GTF2IRD1: variants seen among roughly 807,000 people sequenced by gnomAD.
The protein encoded by GTF2IRD1 is general transcription factor II-I repeat domain-containing protein 1.
GTF2IRD1 carries 26 observed loss-of-function variants against 113.2 expected under a neutral mutation model. The observed-to-expected ratio is 0.23, with a 90% CI of 0.17 to 0.32. The LOEUF (loss-of-function observed/expected upper bound fraction) is 0.32, where lower values mean the gene tolerates loss of function less well. GTF2IRD1 is among the 10% of genes least tolerant of loss of function. The pLI, the probability that GTF2IRD1 is intolerant of heterozygous loss-of-function variation, is 1.00. For synonymous variants in GTF2IRD1, 484 were observed against 529.1 expected (o/e 0.91, Z 1.17); for missense variants, 864 against 1,280.8 (o/e 0.67, Z 4.97).
chr7:74,560,374 TG>T (rs1406194853), intron 22 of GTF2IRD1, among the ~76,000 whole-genome samples: 10 of 151,734 alleles, frequency 6.6e-5, no homozygotes, highest in Non-Finnish European at 1.3e-4. Context: ...ACAAGCATGT[TG>T]GTAAGATGTG....
chr7:74,557,332 G>A (rs1419615907), intron 19 of GTF2IRD1, among the ~76,000 whole-genome samples: 2 of 152,296 alleles, frequency 1.3e-5, no homozygotes, highest in African/African-American at 4.8e-5. Context: ...TGCCAGCCCA[G>A]GGCACAGGAC....
intron 9 of GTF2IRD1, among the ~76,000 whole-genome samples, chr7:74,533,985 C>T (rs1554349572): frequency 1.3e-5 from 2 of 151,338 alleles, no homozygotes; most frequent in Non-Finnish European, 1.5e-5. Context: ...GCTATGATTG[C>T]ACCACTGCAC....
chr7:74,547,456 T>TA (rs1799012644), intron 17 of GTF2IRD1, among the ~76,000 whole-genome samples, 170 bp downstream of exon 17: 1 of 149,408 alleles, frequency 6.7e-6, no homozygotes, highest in South Asian at 2.2e-4. Context: ...TTTTTTTTTT[T>TA]TTTTGAGACA....
intron 1 of GTF2IRD1, among the ~76,000 whole-genome samples, chr7:74,466,351 G>C (rs548344559): frequency 6.6e-6 from 1 of 152,154 alleles, no homozygotes; most frequent in African/African-American, 2.4e-5. Context: ...GAGACAGGAC[G>C]TGACGGTGGG....
rs547388478 is a variant in GTF2IRD1 at position 74,511,455 on chromosome 7, G to C, written c.124-1375G>C. On this transcript the variant is annotated intron_variant, in intron 2 of 26. Coordinates refer to ENST00000424337, the MANE Select transcript of GTF2IRD1 (RefSeq NM_005685.4). ...TTTCAGCTGTGATGGATGAGAAACA[G>C]CTGGATTTATTTGTTTTATTTTTTG... Among the ~76,000 whole-genome samples, 3 of 152,350 alleles carry C rather than the reference G, an allele frequency of 2.0e-5. No individual in the cohort carries two copies. The East Asian group carries it at 5.8e-4, about 29-fold the overall frequency.
chr7:74,522,761 G>A lies in GTF2IRD1; in HGVS notation c.1007-1310G>A, dbSNP rs587709657. On this transcript the variant is annotated intron_variant, in intron 7 of 26. Coordinates refer to ENST00000424337, the MANE Select transcript of GTF2IRD1 (RefSeq NM_005685.4). ...CACAAGCAAGATACTCAGTTTCTTTGAGCCTCAGTTTTCCTATCTGCAAAA... is the reference window on the plus strand; with the variant it reads ...CACAAGCAAGATACTCAGTTTCTTTAAGCCTCAGTTTTCCTATCTGCAAAA... 2.0e-5 allele frequency among the ~76,000 whole-genome samples: 3 copies of A among 152,302 alleles called. No homozygotes were observed. In the East Asian group the frequency reaches 5.8e-4, roughly 29 times the overall value.
chr7:74,577,248 A>G (rs2130913155), intron 22 of GTF2IRD1, among the ~76,000 whole-genome samples: 1 of 152,264 alleles, frequency 6.6e-6, no homozygotes, highest in East Asian at 1.9e-4. Context: ...CATGTTGGCC[A>G]GACTAGTCTT....
At chr7:74,592,651 C>T (rs1220725157) in intron 24 of GTF2IRD1, among the ~76,000 whole-genome samples, 1 of 152,050 alleles carries the variant, frequency 6.6e-6, no homozygotes, top group African/African-American at 2.4e-5. Context: ...TCTCCTGCCT[C>T]ACCCTCCCGA....
chr7:74,558,343 G>GTTTTTTTTTTTTTTTTT (rs1562868915), intron 20 of GTF2IRD1, among the ~76,000 whole-genome samples: 1 of 74,010 alleles, frequency 1.4e-5, no homozygotes, highest in Non-Finnish European at 2.8e-5. Flanking sequence ...TTTTTCTTTC[G>GTTTTTTTTTTTTTTTTT]TTTCTTTTTT....
chr7:74,459,176 G>C (rs534802653), intron 1 of GTF2IRD1, among the ~76,000 whole-genome samples: 1 of 152,174 alleles, frequency 6.6e-6, no homozygotes, highest in Admixed American at 6.6e-5. Context: ...TTAGGGCCGG[G>C]TGCGGTGGCT....
At chr7:74,589,464 G>A (rs1801923537) in intron 22 of GTF2IRD1, among the ~76,000 whole-genome samples, 1 of 152,170 alleles carries the variant, frequency 6.6e-6, no homozygotes, top group South Asian at 2.1e-4. Flanking sequence ...TTGGGAGGCT[G>A]AGGCGGGTGG....
chr7:74,540,210 G>T (rs1450736826), intron 14 of GTF2IRD1, among the ~76,000 whole-genome samples: 2 of 152,130 alleles, frequency 1.3e-5, no homozygotes, highest in East Asian at 3.9e-4. Flanking sequence ...GCAGTGGCAC[G>T]ATCTCGGCTC....
intron 1 of GTF2IRD1, among the ~76,000 whole-genome samples, chr7:74,501,515 C>T (rs1554339495): frequency 1.3e-5 from 2 of 152,084 alleles, no homozygotes; most frequent in Non-Finnish European, 2.9e-5. Context: ...TCGTCATGGC[C>T]GAGCCCCTGG....
chr7:74,509,061 A>T (rs1031315218), intron 2 of GTF2IRD1, among the ~76,000 whole-genome samples: 6 of 140,974 alleles, frequency 4.3e-5, no homozygotes, highest in African/African-American at 1.3e-4. Context: ...TGGAAGTGTT[A>T]AAAAAAAAAA....
intron 22 of GTF2IRD1, 147 bp downstream of exon 22, chr7:74,559,802 C>A: frequency 1.7e-6 from 1 of 588,560 alleles, no homozygotes; most frequent in Non-Finnish European, 2.8e-6. Flanking sequence ...TTTTCTGAGG[C>A]AGAGTCCTTC....
intron 22 of GTF2IRD1, among the ~76,000 whole-genome samples, chr7:74,574,150 A>ATTT (rs71094796): frequency 9.3e-4 from 98 of 104,816 alleles, no homozygotes; most frequent in Middle Eastern, 6.6e-3. Flanking sequence ...CACCAAGCTA[A>ATTT]TTTTTTTTTT....
At chr7:74,459,342 C>G (rs1554328432) in intron 1 of GTF2IRD1, among the ~76,000 whole-genome samples, 1 of 151,970 alleles carries the variant, frequency 6.6e-6, no homozygotes, top group East Asian at 1.9e-4. Context: ...CCTGTAATCC[C>G]AACTGCTCGG....
chr7:74,519,380 G>C (rs1554345331), intron 5 of GTF2IRD1, 29 bp from the exon 6 acceptor site: 1 of 1,459,206 alleles, frequency 6.9e-7, no homozygotes, highest in Non-Finnish European at 9.2e-7. Context: ...GATGTACAAA[G>C]CTGTCCATGT....
At chr7:74,536,630 A>G (rs1798313768) in intron 11 of GTF2IRD1, among the ~76,000 whole-genome samples, 1 of 151,728 alleles carries the variant, frequency 6.6e-6, no homozygotes, top group African/African-American at 2.4e-5. Context: ...CAACATGGTG[A>G]AACTCCCATC....
Sources: allele counts gnomAD v4.1 joint callset (sites outside exome capture counted in the v4.1 genomes callset), GRCh38; gene constraint gnomAD v4.1.1; transcripts MANE v1.5; gene names NCBI Gene and HGNC (gene_info 2026-07-23, HGNC 2026-07-21).